NTRK3: variants seen among roughly 807,000 people sequenced by gnomAD.
NTRK3 encodes the protein neurotrophic receptor tyrosine kinase 3, also known as NT-3 growth factor receptor.
A neutral mutation model predicts 91.7 loss-of-function variants in NTRK3; 24 were observed. The ratio of observed to expected loss-of-function variants is 0.26; its 90% confidence interval spans 0.19 to 0.37. The LOEUF is 0.37. NTRK3 is among the 10% of genes least tolerant of loss of function. The probability of loss-of-function intolerance (pLI) is 1.00; values close to 1 mark genes in which losing one functional copy is unlikely to be tolerated. For synonymous variants in NTRK3, 483 were observed against 404.0 expected (o/e 1.20, Z -2.34); for missense variants, 880 against 1,068.9 (o/e 0.82, Z 2.46).
intron 14 of NTRK3, among the ~76,000 whole-genome samples, chr15:87,944,399 C>T (rs779079794): frequency 2.6e-5 from 4 of 152,234 alleles, no homozygotes; most frequent in Non-Finnish European, 4.4e-5. Flanking sequence ...GCTATGTATT[C>T]AACACCTACT....
rs755886674 is a variant in NTRK3, at chr15:87,942,135, C to A, written c.1586-1382G>T. On this transcript the variant is annotated intron_variant, in intron 14 of 18. Coordinates refer to ENST00000394480, the Ensembl canonical transcript of NTRK3. ...ACTACAGGAATCTTTTTCCTCCCTTCAGAGTCCTTGGTATCCCCACAGTGT... is the reference window on the plus strand; with the variant it reads ...ACTACAGGAATCTTTTTCCTCCCTTAAGAGTCCTTGGTATCCCCACAGTGT... Among the ~76,000 whole-genome samples the A allele has an allele frequency of 4.2e-4, 64 of 152,322 alleles. 1 individual carries two copies. Among genetic ancestry groups the A allele is most frequent in the Non-Finnish European group, 7.4e-4 (50 of 68,026 alleles).
intron 14 of NTRK3, among the ~76,000 whole-genome samples, chr15:87,985,681 C>T (rs1012203695): frequency 6.6e-6 from 1 of 152,116 alleles, no homozygotes; most frequent in Non-Finnish European, 1.5e-5. Context: ...GAATGTACCC[C>T]GACTACAATT....
intron 5 of NTRK3, among the ~76,000 whole-genome samples, chr15:88,162,065 C>T (rs2044505236): frequency 6.6e-6 from 1 of 152,180 alleles, no homozygotes; most frequent in Admixed American, 6.5e-5. Flanking sequence ...AATAAACCAG[C>T]AATGCCTGGG....
At chr15:87,949,238 A>T (rs927926271) in intron 14 of NTRK3, among the ~76,000 whole-genome samples, 1 of 152,136 alleles carries the variant, frequency 6.6e-6, no homozygotes, top group Non-Finnish European at 1.5e-5. Context: ...GAACAGACTT[A>T]TTTATGTCCT....
chr15:88,252,301 A>G (rs1187939785), intron 3 of NTRK3, among the ~76,000 whole-genome samples: 1 of 151,976 alleles, frequency 6.6e-6, no homozygotes, highest in East Asian at 1.9e-4. Context: ...TGATCCTTAG[A>G]AAGAATGAGA....
At position 88,157,129 on chromosome 15, in the gene NTRK3, A is replaced by C. The variant is rs112575527; in HGVS notation, c.396-9726T>G. On this transcript the variant is annotated intron_variant, in intron 5 of 18. Transcript: ENST00000394480. ...TTCTGTCCCTGTGAAGCCAACTTCTACACTGCTATGAACTCACACAGCCAT... is the reference window on the plus strand; with the variant it reads ...TTCTGTCCCTGTGAAGCCAACTTCTCCACTGCTATGAACTCACACAGCCAT... Among the ~76,000 whole-genome samples, 427 of 152,186 alleles carry C rather than the reference A, an allele frequency of 2.8e-3. 3 individuals are homozygous for C. The Middle Eastern group carries it at 0.031, about 11-fold the overall frequency.
At chr15:88,231,016 G>A (rs978555887) in intron 3 of NTRK3, among the ~76,000 whole-genome samples, 1 of 152,126 alleles carries the variant, frequency 6.6e-6, no homozygotes, top group Admixed American at 6.5e-5. Flanking sequence ...TTCTTGTGTT[G>A]ATAAACTTAA....
rs114535337 is a variant in NTRK3 at position 88,226,027 on chromosome 15, C to T, written c.248+29879G>A. ...CGATCCCAGGAAGCAGTCTGGAAGT[C>T]GAGAGAACACTGGATGTGAAGTCAA... On this transcript the variant is annotated intron_variant, in intron 3 of 18. Transcript: ENST00000394480. Among the ~76,000 whole-genome samples, 723 of 152,282 alleles carry T rather than the reference C, an allele frequency of 4.7e-3. 2 individuals are homozygous for T. The highest frequency in any genetic ancestry group is 0.017 in the African/African-American group (692 of 41,552).
chr15:87,985,267 A>G (rs1302919675), intron 14 of NTRK3, among the ~76,000 whole-genome samples: 4 of 152,132 alleles, frequency 2.6e-5, no homozygotes, highest in Non-Finnish European at 5.9e-5. Context: ...AGAAGGTGGC[A>G]CTCATGTCAT....
In NTRK3 at chr15:88,028,663, C is replaced by T. The variant is rs372016020; in HGVS notation, c.1585+4194G>A. Among the ~76,000 whole-genome samples, 10 of 152,182 alleles carry T rather than the reference C, an allele frequency of 6.6e-5. No homozygotes were observed. The East Asian group carries it at 1.2e-3, about 18-fold the overall frequency. ...GGGGATGACTCTGGGAAGATGGAGACGCTGCTTCCTCTGAGACAGGGACAA... is the reference window on the plus strand; with the variant it reads ...GGGGATGACTCTGGGAAGATGGAGATGCTGCTTCCTCTGAGACAGGGACAA... On this transcript the variant is annotated intron_variant, in intron 14 of 18. Coordinates refer to ENST00000394480, the Ensembl canonical transcript of NTRK3.
At chr15:88,208,563 T>TAACA (rs2048980456) in intron 3 of NTRK3, among the ~76,000 whole-genome samples, 1 of 152,102 alleles carries the variant, frequency 6.6e-6, no homozygotes, top group Non-Finnish European at 1.5e-5. Flanking sequence ...GCTCCCAGGA[T>TAACA]GGCTGAGGCT....
At chr15:88,171,542 TC>T (rs2045518762) in intron 5 of NTRK3, among the ~76,000 whole-genome samples, 1 of 152,180 alleles carries the variant, frequency 6.6e-6, no homozygotes, top group African/African-American at 2.4e-5. Flanking sequence ...GGATCAAGGT[TC>T]TAAAATAGCT....
At chr15:88,190,200 A>T (rs2047281029) in intron 3 of NTRK3, among the ~76,000 whole-genome samples, 2 of 152,126 alleles carry the variant, frequency 1.3e-5, no homozygotes, top group Non-Finnish European at 2.9e-5. Context: ...TGTTATCTTC[A>T]CTGTGACTTC....
chr15:87,939,744 A>G (rs556420480), intron 15 of NTRK3, among the ~76,000 whole-genome samples: 25 of 152,268 alleles, frequency 1.6e-4, no homozygotes, highest in South Asian at 8.3e-4. Context: ...ACTGCACCCA[A>G]TGAAGCCACT....
rs188779957 is a variant in NTRK3 at position 88,110,938 on chromosome 15, G to A, written c.1396+15333C>T. Reference sequence around the variant, plus strand: ...GGAGGAGCCCAGATGGAATGGTGGGGTGGCAGTGTGCAAAGAGAGAAGGGA... The same window carrying A: ...GGAGGAGCCCAGATGGAATGGTGGGATGGCAGTGTGCAAAGAGAGAAGGGA... On this transcript the variant is annotated intron_variant, in intron 13 of 18. Coordinates refer to ENST00000394480, the Ensembl canonical transcript of NTRK3. 7.2e-5 allele frequency among the ~76,000 whole-genome samples: 11 copies of A among 152,326 alleles called. No homozygotes were observed. In the East Asian group the frequency reaches 2.1e-3, roughly 29 times the overall value.
intron 13 of NTRK3, among the ~76,000 whole-genome samples, chr15:88,040,692 C>A (rs1013872907): frequency 1.3e-5 from 2 of 152,190 alleles, no homozygotes; most frequent in Admixed American, 6.5e-5. Context: ...AGGGCATTTG[C>A]CCAGCCAACG....
intron 3 of NTRK3, among the ~76,000 whole-genome samples, chr15:88,217,363 C>T (rs2049871886): frequency 6.6e-6 from 1 of 152,214 alleles, no homozygotes; most frequent in South Asian, 2.1e-4. Context: ...GTATCCATCG[C>T]AGATGAATGG....
intron 13 of NTRK3, among the ~76,000 whole-genome samples, chr15:88,117,619 T>C (rs1262085439): frequency 6.6e-6 from 1 of 152,254 alleles, no homozygotes; most frequent in Non-Finnish European, 1.5e-5. Context: ...GTGCTGTAGC[T>C]GTCTGGAAAT....
chr15:87,926,153 A>C (rs571940659), intron 17 of NTRK3, among the ~76,000 whole-genome samples: 1 of 152,316 alleles, frequency 6.6e-6, no homozygotes, highest in South Asian at 2.1e-4. Context: ...TAAATCCAAG[A>C]ATTCCATTGT....
Sources: gnomAD v4.1 joint callset for allele counts (sites outside exome capture counted in the v4.1 genomes callset) on GRCh38, gnomAD v4.1.1 for gene constraint, MANE v1.5 for transcripts, NCBI Gene and HGNC (gene_info 2026-07-23, HGNC 2026-07-21) for gene names.